DNAJC3: variants seen among roughly 807,000 people sequenced by gnomAD.
DNAJC3 encodes the protein DnaJ heat shock protein family (Hsp40) member C3.
In DNAJC3, 38 loss-of-function variants were observed where a neutral mutation model predicts 68.6. The ratio of observed to expected loss-of-function variants is 0.55; its 90% CI spans 0.43 to 0.73. The LOEUF (loss-of-function observed/expected upper bound fraction) is 0.73. Among genes scored for constraint, DNAJC3 ranks in the 30% least tolerant of loss-of-function variants. The pLI is 0.00. For synonymous variants in DNAJC3, 203 were observed against 204.0 expected (o/e 1.00, Z 0.04); for missense variants, 526 against 591.9 (o/e 0.89, Z 1.16).
intron 4 of DNAJC3, among the ~76,000 whole-genome samples, chr13:95,753,452 CAA>C (rs145094372): frequency 0.017 from 2,602 of 152,154 alleles, 75 homozygotes; most frequent in African/African-American, 0.06. Context: ...GCATATACCT[CAA>C]GTGTTACATA....
At chr13:95,752,530 A>G (rs993675898) in intron 4 of DNAJC3, among the ~76,000 whole-genome samples, 1 of 152,194 alleles carries the variant, frequency 6.6e-6, no homozygotes, top group African/African-American at 2.4e-5. Context: ...TAGAAAAGGA[A>G]GAATGTTTTT....
chr13:95,704,644 A>G (rs759186655), intron 1 of DNAJC3, among the ~76,000 whole-genome samples: 7 of 152,248 alleles, frequency 4.6e-5, no homozygotes, highest in Non-Finnish European at 7.4e-5. Context: ...AGGCAAATTC[A>G]TATCTGGAAT....
chr13:95,779,119 CTTTTT>C (rs142933580), intron 9 of DNAJC3, among the ~76,000 whole-genome samples: 1,436 of 98,026 alleles, frequency 0.015, 9 homozygotes, highest in African/African-American at 0.058. Context: ...TTTCTTCTTT[CTTTTT>C]TTTTTTTTTT....
At chr13:95,789,360 C>T (rs1047629164) in intron 11 of DNAJC3, among the ~76,000 whole-genome samples, 1 of 152,174 alleles carries the variant, frequency 6.6e-6, no homozygotes, top group African/African-American at 2.4e-5. Context: ...TTTATGCATC[C>T]ATGAGTTCTC....
intron 11 of DNAJC3, among the ~76,000 whole-genome samples, chr13:95,788,745 T>C (rs1414271240): frequency 6.6e-6 from 1 of 152,220 alleles, no homozygotes; most frequent in East Asian, 1.9e-4. Flanking sequence ...GCATCCTTTC[T>C]CTGGGGCCAT....
chr13:95,783,709 A>AGT (rs1351297024), intron 9 of DNAJC3, among the ~76,000 whole-genome samples: 1 of 152,150 alleles, frequency 6.6e-6, no homozygotes, highest in African/African-American at 2.4e-5. Context: ...TTCTGTACGT[A>AGT]GTGTGTAGCC....
chr13:95,698,641 A>G (rs937236287), intron 1 of DNAJC3, among the ~76,000 whole-genome samples: 4 of 152,182 alleles, frequency 2.6e-5, no homozygotes, highest in Non-Finnish European at 5.9e-5. Flanking sequence ...GCCGAGAGTC[A>G]CAGTAAATGC....
At chr13:95,696,421 C>T (rs1880441030) in intron 1 of DNAJC3, among the ~76,000 whole-genome samples, 3 of 152,146 alleles carry the variant, frequency 2.0e-5, no homozygotes, top group African/African-American at 7.2e-5. Flanking sequence ...CTAAGATTGC[C>T]CACACATTTC....
At chr13:95,728,978 A>G (rs1881616167) in intron 4 of DNAJC3, among the ~76,000 whole-genome samples, 1 of 151,308 alleles carries the variant, frequency 6.6e-6, no homozygotes, top group South Asian at 2.1e-4. Flanking sequence ...TCTAATGTCT[A>G]TCATGTCTGT....
Position 95,791,279 on chromosome 13 carries a change from GAAGTGGTCTGAGGC to G in DNAJC3, c.*251_*264del. 2.0e-6 allele frequency: 1 copy of G among 489,748 alleles called. No homozygotes were observed. Among genetic ancestry groups the G allele is most frequent in the Non-Finnish European group, 3.6e-6 (1 of 276,544 alleles). The allele number at this position is 489,748 out of a possible 1,614,324, so 30.3% of individuals were successfully genotyped here. On this transcript the variant is annotated 3_prime_UTR_variant, in exon 12 of 12. Coordinates refer to ENST00000602402, the MANE Select transcript of DNAJC3 (RefSeq NM_006260.5). Reference sequence around the variant, plus strand: ...GCATCTGCTTTATGCTGTCTGGAGGGAAGTGGTCTGAGGCAGGCTCACCCGTGGAAGTGCTCACG... The same window carrying G: ...GCATCTGCTTTATGCTGTCTGGAGGGAGGCTCACCCGTGGAAGTGCTCACG...
chr13:95,760,368 G>A (rs1882787345), intron 6 of DNAJC3, 147 bp downstream of exon 6: 1 of 820,570 alleles, frequency 1.2e-6, no homozygotes, highest in Non-Finnish European at 1.7e-6. Context: ...TATATTTTGT[G>A]TTATTCCCAA....
intron 4 of DNAJC3, among the ~76,000 whole-genome samples, chr13:95,754,988 A>G (rs7321625): frequency 0.21 from 31,282 of 152,058 alleles, 3,616 homozygotes; most frequent in African/African-American, 0.29. Context: ...GGGATTTGGC[A>G]GAAAGAGTCA....
chr13:95,761,660 C>T (rs1011729970), intron 7 of DNAJC3, among the ~76,000 whole-genome samples: 2 of 152,180 alleles, frequency 1.3e-5, no homozygotes. Context: ...CCTCTTGTTC[C>T]TATCCCTTCC....
At chr13:95,677,925 C>T (rs1262066666) in intron 1 of DNAJC3, among the ~76,000 whole-genome samples, 1 of 152,064 alleles carries the variant, frequency 6.6e-6, no homozygotes, top group Non-Finnish European at 1.5e-5. Flanking sequence ...AATTCCATCT[C>T]CCGGACGGCC....
chr13:95,704,851 G>GTTTTTTTTTTTGTTTTTTTTT (rs1880681685), intron 1 of DNAJC3, among the ~76,000 whole-genome samples: 1 of 97,860 alleles, frequency 1.0e-5, no homozygotes, highest in African/African-American at 6.0e-5. Flanking sequence ...GTGTGTGTGT[G>GTTTTTTTTTTTGTTTTTTTTT]TTTTTTTTTT....
At chr13:95,785,121 T>A (rs1484986552) in intron 9 of DNAJC3, among the ~76,000 whole-genome samples, 1 of 152,148 alleles carries the variant, frequency 6.6e-6, no homozygotes, top group African/African-American at 2.4e-5. Flanking sequence ...GTTCCTTCTG[T>A]TCCCTTTCTT....
chr13:95,758,959 G>C (rs565448325), intron 5 of DNAJC3, among the ~76,000 whole-genome samples: 223 of 152,222 alleles, frequency 1.5e-3, no homozygotes, highest in Non-Finnish European at 2.7e-3. Context: ...AGGAAATATA[G>C]TTTACATTTT....
At chr13:95,752,386 A>C (rs1221216669) in intron 4 of DNAJC3, among the ~76,000 whole-genome samples, 3 of 152,232 alleles carry the variant, frequency 2.0e-5, no homozygotes, top group Non-Finnish European at 2.9e-5. Context: ...TTTGTTTCAC[A>C]TATTTGCAAA....
intron 1 of DNAJC3, among the ~76,000 whole-genome samples, chr13:95,704,633 C>A (rs1880669998): frequency 6.6e-6 from 1 of 152,068 alleles, no homozygotes; most frequent in South Asian, 2.1e-4. Flanking sequence ...AGAAGCATTG[C>A]AGGCAAATTC....
Sources: gnomAD v4.1 joint callset for allele counts (sites outside exome capture counted in the v4.1 genomes callset) on GRCh38, gnomAD v4.1.1 for gene constraint, MANE v1.5 for transcripts, NCBI Gene and HGNC (gene_info 2026-07-23, HGNC 2026-07-21) for gene names.